Variants in LEO1 observed in about 807,000 individuals in gnomAD.
The protein encoded by LEO1 is LEO1 component of Paf1/RNA polymerase II complex, also known as RNA polymerase-associated protein LEO1.
LEO1 carries 34 observed loss-of-function variants against 80.4 expected under a neutral mutation model. The observed-to-expected ratio is 0.42, with a 90% CI of 0.32 to 0.56. The LOEUF is 0.56. Among genes scored for constraint, LEO1 ranks in the 20% least tolerant of loss-of-function variants. The pLI, the probability that LEO1 is intolerant of heterozygous loss-of-function variation, is 0.10. For synonymous variants in LEO1, 262 were observed against 274.9 expected (o/e 0.95, Z 0.46); for missense variants, 631 against 814.2 (o/e 0.77, Z 2.74).
At chr15:51,961,352 AGGTGGTGGTGGTGGTGGT>A (rs367548538) in intron 3 of LEO1, among the ~76,000 whole-genome samples, 1,642 of 139,966 alleles carry the variant, frequency 0.012, 39 homozygotes, top group African/African-American at 0.042. Context: ...TTATAATACC[AGGTGGTGGTGGTGGTGGT>A]GGTGGTGGTG....
At chr15:51,962,688 G>A (rs1412361788) in intron 2 of LEO1, among the ~76,000 whole-genome samples, 195 bp from the exon 3 acceptor site, 1 of 152,200 alleles carries the variant, frequency 6.6e-6, no homozygotes, top group Non-Finnish European at 1.5e-5. Context: ...AGGCCAATCT[G>A]AAAGACTACA....
intron 9 of LEO1, among the ~76,000 whole-genome samples, chr15:51,951,210 A>T (rs2056946135): frequency 1.3e-5 from 2 of 152,230 alleles, no homozygotes; most frequent in South Asian, 4.1e-4. Flanking sequence ...TCTAGTAGGG[A>T]TTAGAGAAGA....
chr15:51,962,136 G>A (rs892821971), intron 3 of LEO1, among the ~76,000 whole-genome samples: 13 of 151,054 alleles, frequency 8.6e-5, no homozygotes, highest in African/African-American at 2.7e-4. Flanking sequence ...GCACTCCAGC[G>A]TGGGTGACAG....
chr15:51,940,121 G>T (rs2056836208), intron 11 of LEO1, among the ~76,000 whole-genome samples: 1 of 151,814 alleles, frequency 6.6e-6, no homozygotes, highest in Non-Finnish European at 1.5e-5. Flanking sequence ...CAGGCGTGGT[G>T]GCGCATGCCT....
intron 7 of LEO1, among the ~76,000 whole-genome samples, chr15:51,954,161 G>A (rs2056970029): frequency 6.6e-6 from 1 of 151,474 alleles, no homozygotes; most frequent in African/African-American, 2.4e-5. Flanking sequence ...CTGACCTCGT[G>A]ATCCACCCAC....
chr15:51,970,707 A>T (rs1471343095), intron 1 of LEO1, among the ~76,000 whole-genome samples: 2 of 152,212 alleles, frequency 1.3e-5, no homozygotes, highest in Non-Finnish European at 2.9e-5. Context: ...GTGCTTTATG[A>T]ACAGTGTTTT....
chr15:51,957,741 C>T, intron 6 of LEO1, among the ~76,000 whole-genome samples: 1 of 152,134 alleles, frequency 6.6e-6, no homozygotes, highest in Non-Finnish European at 1.5e-5. Flanking sequence ...GGTACCAAGG[C>T]CAGGCGCGGT....
chr15:51,971,694 G>C lies in LEO1; in HGVS notation c.52C>G (p.Arg18Gly), dbSNP rs144316041. 47 of 1,613,936 alleles carry C rather than the reference G, an allele frequency of 2.9e-5. No homozygotes were observed. In the African/African-American group the frequency reaches 5.9e-4, roughly 20 times the overall value. Residue 18 changes from arginine to glycine, a missense_variant, in exon 1 of 12, where the codon CGT becomes GGT. This residue lies in a region of LEO1 where 394 missense variants were observed against 395.6 expected (regional missense o/e 1.00). Transcript: ENST00000299601. ...CGAAGACCAGCGAACCCACCTTTAC[G>C]CTCAGCTTCGCTGTCGGCGTCGCTC... ...FGSDADSEAE[R>G]KDSDSGSDSD... is the part of the protein sequence containing the mutation.
chr15:51,941,576 G>A (rs2056852862), intron 11 of LEO1, among the ~76,000 whole-genome samples: 1 of 151,988 alleles, frequency 6.6e-6, no homozygotes, highest in Admixed American at 6.6e-5. Context: ...TTTCAGCTTG[G>A]GTCTTTCCCT....
At chr15:51,959,817 C>T in intron 5 of LEO1, 82 bp downstream of exon 5, 2 of 1,287,302 alleles carry the variant, frequency 1.6e-6, no homozygotes, top group Non-Finnish European at 2.1e-6. Context: ...TGTGATTTGT[C>T]AACTCAATGC....
intron 11 of LEO1, among the ~76,000 whole-genome samples, chr15:51,942,083 G>A (rs60409555): frequency 0.015 from 2,331 of 152,302 alleles, 68 homozygotes; most frequent in East Asian, 0.075. Context: ...TAGGCTCCTG[G>A]TGTTTGAGTG....
chr15:51,967,341 C>T lies in LEO1; in HGVS notation c.59-837G>A, dbSNP rs184744055. The stretch of plus-strand genomic sequence containing the variant: ...TACAAAAGTTAGCCAGGTATGGTGG[C>T]GCAAGCCTGTAATCCCAGCTACTTG... On this transcript the variant is annotated intron_variant, in intron 1 of 11. Coordinates refer to ENST00000299601, the MANE Select transcript of LEO1 (RefSeq NM_138792.4). 1.6e-4 allele frequency among the ~76,000 whole-genome samples: 25 copies of T among 152,234 alleles called. 1 individual carries two copies. Among genetic ancestry groups the T allele is most frequent in the Admixed American group, 6.5e-4 (10 of 15,284 alleles).
At chr15:51,968,387 A>T (rs546745004) in intron 1 of LEO1, among the ~76,000 whole-genome samples, 1 of 152,234 alleles carries the variant, frequency 6.6e-6, no homozygotes, top group East Asian at 1.9e-4. Context: ...CTAAAAATAC[A>T]AAAATTAGCT....
intron 9 of LEO1, among the ~76,000 whole-genome samples, chr15:51,950,902 G>C (rs1244586154): frequency 6.6e-6 from 1 of 152,178 alleles, no homozygotes; most frequent in Admixed American, 6.5e-5. Flanking sequence ...GAATCTGCAG[G>C]TTCCTCCAGT....
intron 2 of LEO1, among the ~76,000 whole-genome samples, chr15:51,964,665 C>T (rs1484856111): frequency 6.6e-6 from 1 of 151,982 alleles, no homozygotes; most frequent in Non-Finnish European, 1.5e-5. Context: ...TCTAATAACA[C>T]CAAGATGTGG....
intron 11 of LEO1, among the ~76,000 whole-genome samples, chr15:51,941,819 T>C (rs2056855420): frequency 6.6e-6 from 1 of 152,248 alleles, no homozygotes; most frequent in African/African-American, 2.4e-5. Context: ...TTCAAATCTG[T>C]TGTTTTTAAT....
At chr15:51,969,533 G>A (rs2092935350) in intron 1 of LEO1, among the ~76,000 whole-genome samples, 1 of 151,274 alleles carries the variant, frequency 6.6e-6, no homozygotes, top group Non-Finnish European at 1.5e-5. Flanking sequence ...TATTCGGGAG[G>A]ATAAGGGAGG....
intron 1 of LEO1, among the ~76,000 whole-genome samples, chr15:51,970,202 G>T (rs1174292221): frequency 6.6e-6 from 1 of 152,132 alleles, no homozygotes; most frequent in Non-Finnish European, 1.5e-5. Flanking sequence ...TATCACCCAG[G>T]TTGAAGTGAA....
intron 9 of LEO1, among the ~76,000 whole-genome samples, chr15:51,951,428 C>T (rs2056947965): frequency 6.6e-6 from 1 of 152,216 alleles, no homozygotes; most frequent in Non-Finnish European, 1.5e-5. Context: ...ATAAGCTCGT[C>T]TTATTCTTTA....
Sources: gnomAD v4.1 joint callset for allele counts (sites outside exome capture counted in the v4.1 genomes callset) on GRCh38, gnomAD v4.1.1 for gene constraint, gnomAD v4.1.1 regional missense constraint, MANE v1.5 for transcripts, NCBI Gene and HGNC (gene_info 2026-07-23, HGNC 2026-07-21) for gene names.